The following SMG6 variants were observed in gnomAD, a reference collection of about 807,000 sequenced individuals.
SMG6 encodes telomerase-binding protein EST1A.
Under a neutral mutation model 142.2 loss-of-function variants are expected in SMG6, and 66 were observed. That is an observed-to-expected ratio of 0.46 (90% CI 0.38 to 0.57). The LOEUF is 0.57. Ranked by LOEUF, SMG6 falls within the 20% of genes least tolerant of loss-of-function variation. The probability of loss-of-function intolerance (pLI) is 0.00; values close to 1 mark genes in which losing one functional copy is unlikely to be tolerated. For missense variants in SMG6, 1,793 were observed against 1,832.0 expected (o/e 0.98, Z 0.39); for synonymous variants, 779 against 702.4 (o/e 1.11, Z -1.72).
intron 8 of SMG6, among the ~76,000 whole-genome samples, chr17:2,282,132 G>T (rs2074800237): frequency 6.6e-6 from 1 of 152,098 alleles, no homozygotes; most frequent in Non-Finnish European, 1.5e-5. Context: ...TACTTACTGA[G>T]TCAATGAAGA....
chr17:2,061,652 A>G, intron 18 of SMG6, 30 bp from the exon 19 acceptor site: 6 of 1,559,534 alleles, frequency 3.8e-6, no homozygotes, highest in South Asian at 1.2e-5. Flanking sequence ...GAAGGCTGTC[A>G]CTGAGGACAG....
intron 15 of SMG6, among the ~76,000 whole-genome samples, chr17:2,069,431 C>CA (rs79412495): frequency 0.065 from 7,332 of 112,592 alleles, 283 homozygotes; most frequent in African/African-American, 0.14. Context: ...CCCGTCTCTA[C>CA]AAAAAAAAAA....
At chr17:2,069,809 A>G (rs2068050676) in intron 15 of SMG6, among the ~76,000 whole-genome samples, 1 of 152,226 alleles carries the variant, frequency 6.6e-6, no homozygotes, top group Non-Finnish European at 1.5e-5. Flanking sequence ...TGACCAGCGC[A>G]GTTTCCTAAA....
chr17:2,228,329 A>G (rs2073374740), intron 10 of SMG6, among the ~76,000 whole-genome samples: 1 of 152,168 alleles, frequency 6.6e-6, no homozygotes, highest in Non-Finnish European at 1.5e-5. Context: ...CCCAGGTTCA[A>G]GCGATTCTCC....
At chr17:2,069,442 A>T (rs1013962602) in intron 15 of SMG6, among the ~76,000 whole-genome samples, 2 of 152,090 alleles carry the variant, frequency 1.3e-5, no homozygotes, top group African/African-American at 4.8e-5. Context: ...AAAAAAAAAA[A>T]AAAATTAGCT....
chr17:2,298,460 C>T (rs2075192772), intron 2 of SMG6, among the ~76,000 whole-genome samples: 1 of 152,168 alleles, frequency 6.6e-6, no homozygotes, highest in Non-Finnish European at 1.5e-5. Context: ...TGGCTCATGC[C>T]TGTAATCCCA....
intron 13 of SMG6, among the ~76,000 whole-genome samples, chr17:2,162,042 A>G (rs1481184076): frequency 6.6e-6 from 1 of 152,224 alleles, no homozygotes; most frequent in Non-Finnish European, 1.5e-5. Context: ...ATAAAAGTCA[A>G]TAACTTCCTA....
chr17:2,163,576 T>C lies in SMG6; in HGVS notation c.3357+9082A>G, dbSNP rs150763119. 1.5e-3 allele frequency among the ~76,000 whole-genome samples: 226 copies of C among 152,338 alleles called. 1 individual carries two copies. Among genetic ancestry groups the C allele is most frequent in the Non-Finnish European group, 8.1e-4 (55 of 68,030 alleles). ...GCAACTTTGCTACATTTACTTATTA[T>C]GAGAATAATTCTAATAATTTATGCT... On this transcript the variant is annotated intron_variant, in intron 13 of 18. Transcript: ENST00000263073.
chr17:2,288,342 G>A (rs1005337535), intron 6 of SMG6, among the ~76,000 whole-genome samples: 1 of 151,764 alleles, frequency 6.6e-6, no homozygotes, highest in Non-Finnish European at 1.5e-5. Flanking sequence ...AAGACAGCCC[G>A]GGAGTGGTGG....
At chr17:2,149,301 GAT>G (rs2070756659) in intron 13 of SMG6, among the ~76,000 whole-genome samples, 1 of 118,314 alleles carries the variant, frequency 8.5e-6, no homozygotes, top group Non-Finnish European at 1.6e-5. Context: ...AGTGAGCCGA[GAT>G]CACACCACTA....
intron 6 of SMG6, among the ~76,000 whole-genome samples, chr17:2,286,934 T>C (rs1271735878): frequency 2.1e-5 from 3 of 141,720 alleles, no homozygotes; most frequent in Non-Finnish European, 3.1e-5. Context: ...TTTTTTTTTT[T>C]TTTTTTTTTT....
intron 4 of SMG6, 132 bp downstream of exon 4, chr17:2,297,111 T>A: frequency 1.8e-6 from 1 of 543,704 alleles, no homozygotes; most frequent in Non-Finnish European, 3.2e-6. Flanking sequence ...TGGTTTAATC[T>A]ATCTGTCCCT....
intron 10 of SMG6, among the ~76,000 whole-genome samples, chr17:2,197,081 G>A (rs1389847747): frequency 6.6e-6 from 1 of 152,136 alleles, no homozygotes; most frequent in Non-Finnish European, 1.5e-5. Context: ...AGGACTAAGA[G>A]TTCTAAGACT....
chr17:2,130,135 C>T, intron 13 of SMG6, among the ~76,000 whole-genome samples: 1 of 150,722 alleles, frequency 6.6e-6, no homozygotes, highest in Non-Finnish European at 1.5e-5. Flanking sequence ...TGGCGGGCGC[C>T]TGTAGTCCCA....
intron 14 of SMG6, chr17:2,082,176 T>C: frequency 1.8e-6 from 1 of 551,518 alleles, no homozygotes; most frequent in South Asian, 2.4e-5. Flanking sequence ...ACTCTGGGGC[T>C]TTTCCCTCAG....
intron 13 of SMG6, among the ~76,000 whole-genome samples, chr17:2,156,043 T>TC (rs1231787380): frequency 8.0e-6 from 1 of 125,386 alleles, no homozygotes; most frequent in East Asian, 2.1e-4. Flanking sequence ...TTTACCTTTT[T>TC]TTTTTTTTTT....
intron 1 of SMG6, among the ~76,000 whole-genome samples, chr17:2,301,829 C>A (rs943322812): frequency 2.0e-5 from 3 of 148,116 alleles, no homozygotes; most frequent in Non-Finnish European, 2.9e-5. Flanking sequence ...CGGACAGATA[C>A]TTACTTAAGT....
At chr17:2,249,099 T>A (rs895302274) in intron 8 of SMG6, among the ~76,000 whole-genome samples, 1 of 152,008 alleles carries the variant, frequency 6.6e-6, no homozygotes, top group Non-Finnish European at 1.5e-5. Flanking sequence ...TTCACCGTGT[T>A]AGCCAGGATG....
At chr17:2,075,376 A>G (rs2068228922) in intron 15 of SMG6, among the ~76,000 whole-genome samples, 1 of 152,178 alleles carries the variant, frequency 6.6e-6, no homozygotes, top group Non-Finnish European at 1.5e-5. Flanking sequence ...CTGGCCACAG[A>G]GCAAGACTGT....
Sources: gnomAD v4.1 joint callset for allele counts (sites outside exome capture counted in the v4.1 genomes callset) on GRCh38, gnomAD v4.1.1 for gene constraint, MANE v1.5 for transcripts, NCBI Gene and HGNC (gene_info 2026-07-23, HGNC 2026-07-21) for gene names.